Variants in IRF2 observed in about 807,000 individuals in gnomAD.
IRF2 encodes the protein interferon regulatory factor 2.
Under a neutral mutation model 40.6 loss-of-function variants are expected in IRF2, and 15 were observed. The observed-to-expected ratio is 0.37, with a 90% CI of 0.25 to 0.57. IRF2 has a LOEUF of 0.57. IRF2 is among the 20% of genes least tolerant of loss of function. The probability of loss-of-function intolerance (pLI) is 0.77; values close to 1 mark genes in which losing one functional copy is unlikely to be tolerated. For synonymous variants in IRF2, 151 were observed against 165.5 expected (o/e 0.91, Z 0.67); for missense variants, 317 against 455.7 (o/e 0.70, Z 2.77).
chr4:184,423,818 T>TA lies in IRF2; in HGVS notation c.88-4251dup, dbSNP rs149019800. On this transcript the variant is annotated intron_variant, in intron 2 of 8. Transcript: ENST00000393593. The stretch of plus-strand genomic sequence containing the variant: ...CAGAGGCCCACAGTCAGCAGAGACT[T>TA]AGAGTCATAAACACCAAACACAACC... Among the ~76,000 whole-genome samples the TA allele has an allele frequency of 7.0e-3, 1,066 of 152,290 alleles. 9 individuals are homozygous for TA. Among genetic ancestry groups the TA allele is most frequent in the African/African-American group, 0.024 (1,006 of 41,560 alleles).
intron 1 of IRF2, among the ~76,000 whole-genome samples, chr4:184,468,088 A>G (rs894226931): frequency 6.6e-6 from 1 of 152,244 alleles, no homozygotes; most frequent in African/African-American, 2.4e-5. Context: ...AAGGAGTTAT[A>G]AACCAAAATA....
At chr4:184,428,581 T>C in intron 2 of IRF2, 2 of 391,340 alleles carry the variant, frequency 5.1e-6, no homozygotes, top group Non-Finnish European at 1.0e-5. Flanking sequence ...GAGGATCACT[T>C]CAGCCCAGGA....
At chr4:184,466,216 A>C (rs921721309) in intron 1 of IRF2, among the ~76,000 whole-genome samples, 25 of 151,918 alleles carry the variant, frequency 1.6e-4, no homozygotes, top group Admixed American at 1.5e-3. Context: ...ATGCCCAGCT[A>C]ATTTTTGTAT....
At chr4:184,450,657 T>A (rs1164914485) in intron 1 of IRF2, among the ~76,000 whole-genome samples, 1 of 152,202 alleles carries the variant, frequency 6.6e-6, no homozygotes, top group Non-Finnish European at 1.5e-5. Flanking sequence ...CATAAAATAC[T>A]TATAAAATAA....
intron 4 of IRF2, 159 bp from the exon 5 acceptor site, chr4:184,418,372 C>T (rs1372861758): frequency 1.1e-5 from 10 of 940,566 alleles, no homozygotes; most frequent in South Asian, 2.9e-5. Context: ...TCTGGTGAAT[C>T]GAAAGTCTTG....
At chr4:184,465,522 T>C (rs1428930052) in intron 1 of IRF2, among the ~76,000 whole-genome samples, 9 of 152,010 alleles carry the variant, frequency 5.9e-5, no homozygotes, top group Non-Finnish European at 1.3e-4. Flanking sequence ...AATTTCACCA[T>C]CAAAAAGATA....
intron 2 of IRF2, among the ~76,000 whole-genome samples, chr4:184,421,352 T>G (rs1358436279): frequency 2.6e-5 from 4 of 152,210 alleles, no homozygotes; most frequent in African/African-American, 9.7e-5. Flanking sequence ...TTCCTCGGTG[T>G]TCATTCTGTA....
intron 1 of IRF2, among the ~76,000 whole-genome samples, chr4:184,454,489 C>A (rs995144311): frequency 6.6e-6 from 1 of 152,266 alleles, no homozygotes; most frequent in South Asian, 2.1e-4. Context: ...ACCTCCGAAG[C>A]AAGAATCCAT....
At chr4:184,458,054 C>G (rs1739008926) in intron 1 of IRF2, among the ~76,000 whole-genome samples, 1 of 152,132 alleles carries the variant, frequency 6.6e-6, no homozygotes, top group Non-Finnish European at 1.5e-5. Context: ...TGTCTTTGCT[C>G]TTGCTGTTCT....
At chr4:184,456,584 C>T (rs1204177723) in intron 1 of IRF2, among the ~76,000 whole-genome samples, 1 of 152,256 alleles carries the variant, frequency 6.6e-6, no homozygotes, top group African/African-American at 2.4e-5. Flanking sequence ...GGAAACCCCT[C>T]GGTCCAGCCA....
intron 3 of IRF2, 26 bp downstream of exon 3, chr4:184,419,443 A>G (rs1737399679): frequency 2.7e-6 from 4 of 1,457,682 alleles, no homozygotes; most frequent in Non-Finnish European, 3.8e-6. Flanking sequence ...GCCTTCCTCT[A>G]TAAACGCCGC....
intron 1 of IRF2, among the ~76,000 whole-genome samples, chr4:184,430,896 A>G (rs549885332): frequency 3.4e-4 from 52 of 151,942 alleles, no homozygotes; most frequent in African/African-American, 1.2e-3. Context: ...GGGTCTCCCT[A>G]TGCTACCCAG....
intron 1 of IRF2, among the ~76,000 whole-genome samples, chr4:184,463,843 C>T (rs991293252): frequency 6.6e-6 from 1 of 152,148 alleles, no homozygotes; most frequent in Non-Finnish European, 1.5e-5. Context: ...AGAGGTCACA[C>T]TCTGATTAAG....
At position 184,390,711 on chromosome 4, in the gene IRF2, T is replaced by C; in HGVS notation, c.733A>G (p.Ser245Gly). Residue 245 changes from serine to glycine, a missense_variant, in exon 8 of 9, where the codon AGT (serine) becomes GGT (glycine). By Grantham distance (56) the Ser-to-Gly change is moderately conservative. This residue lies in a region of IRF2 where 262 missense variants were observed against 334.0 expected (regional missense o/e 0.78). Coordinates refer to ENST00000393593, the MANE Select transcript of IRF2 (RefSeq NM_002199.4). ...TTDSVPSDEE[S>G]AEGRPHWRKR... ...GCTGGGCAGTGGCTTACCTCGGCAC[T>C]CTCTTCATCGCTGGGCACACTATCA... 1 of 1,614,160 alleles carries C rather than the reference T, an allele frequency of 6.2e-7. No homozygotes were observed. Among genetic ancestry groups the C allele is most frequent in the Non-Finnish European group, 8.5e-7 (1 of 1,180,030 alleles).
At chr4:184,416,332 A>G (rs61696499) in intron 5 of IRF2, among the ~76,000 whole-genome samples, 1 of 146,644 alleles carries the variant, frequency 6.8e-6, no homozygotes, top group Admixed American at 6.7e-5. Flanking sequence ...AAAAAACAAA[A>G]AAAAAAAAAA....
In IRF2 at chr4:184,428,486, T is replaced by C. The variant is rs534232549; in HGVS notation, c.87+492A>G. ...GACATTGGAGACTCCAGGCTGAGGC[T>C]ACAGTCGTACAGGATACAAATCCTT... On this transcript the variant is annotated intron_variant, in intron 2 of 8. Coordinates refer to ENST00000393593, the MANE Select transcript of IRF2 (RefSeq NM_002199.4). 1.1e-4 allele frequency among the ~76,000 whole-genome samples: 16 copies of C among 152,340 alleles called. No individual in the cohort carries two copies. In the East Asian group the frequency reaches 1.2e-3, roughly 11 times the overall value.
chr4:184,461,899 G>A lies in IRF2; in HGVS notation c.-7+12480C>T, dbSNP rs557607575. On this transcript the variant is annotated intron_variant, in intron 1 of 8. Coordinates refer to ENST00000393593, the MANE Select transcript of IRF2 (RefSeq NM_002199.4). Reference sequence around the variant, plus strand: ...TACATTCCCTACAGGGACCTTCCTCGCAGGCTTCCCAAGTTTCCACCCGCC... The same window carrying A: ...TACATTCCCTACAGGGACCTTCCTCACAGGCTTCCCAAGTTTCCACCCGCC... Among the ~76,000 whole-genome samples, 5 of 152,160 alleles carry A rather than the reference G, an allele frequency of 3.3e-5. 1 individual carries two copies. The highest frequency in any genetic ancestry group is 4.1e-4 in the South Asian group (2 of 4,820).
intron 1 of IRF2, among the ~76,000 whole-genome samples, chr4:184,430,839 T>G (rs1737852519): frequency 6.6e-6 from 1 of 152,008 alleles, no homozygotes; most frequent in South Asian, 2.1e-4. Context: ...GGACCACAGG[T>G]GTGAGCCACC....
In IRF2 at chr4:184,388,819, G is replaced by C. The variant is rs757533293; in HGVS notation, c.989C>G (p.Thr330Ser). ...ASSSSRPDRE[T>S]RASVIKKTSD... is the part of the protein sequence containing the mutation. ...TGTTTTCTTGATGACGCTGGCCCGG[G>C]TCTCCCGGTCTGGCCGACTGCTGCT... is the stretch of plus-strand genomic sequence containing the variant. Residue 330 changes from threonine (T) to serine (S), a missense_variant, in exon 9 of 9, where the codon ACC (threonine) becomes AGC (serine). Physicochemically the swap from Thr to Ser is moderately conservative, Grantham distance 58. Coordinates refer to ENST00000393593, the MANE Select transcript of IRF2 (RefSeq NM_002199.4). This position sits in a 1 kb window ranked among gnomAD's most constrained non-coding sequence, Gnocchi z 4.6. The C allele has an allele frequency of 6.2e-7, 1 of 1,613,942 alleles. No individual in the cohort carries two copies. The highest frequency in any genetic ancestry group is 8.5e-7 in the Non-Finnish European group (1 of 1,180,036).
Sources: gnomAD v4.1 joint callset for allele counts (sites outside exome capture counted in the v4.1 genomes callset) on GRCh38, gnomAD v4.1.1 for gene constraint, gnomAD v4.1.1 regional missense constraint, Gnocchi (gnomAD v3.1) non-coding constraint, MANE v1.5 for transcripts, NCBI Gene and HGNC (gene_info 2026-07-23, HGNC 2026-07-21) for gene names.